The following NRXN3 variants were observed in gnomAD, a reference collection of about 807,000 sequenced individuals.
The protein encoded by NRXN3 is neurexin 3.
A neutral mutation model predicts 137.6 loss-of-function variants in NRXN3; 32 were observed. The ratio of observed to expected loss-of-function variants is 0.23; its 90% CI spans 0.18 to 0.31. NRXN3 has a LOEUF of 0.31. Among genes scored for constraint, NRXN3 ranks in the 10% least tolerant of loss-of-function variants. The pLI, the probability that NRXN3 is intolerant of heterozygous loss-of-function variation, is 1.00. For synonymous variants in NRXN3, 798 were observed against 784.5 expected (o/e 1.02, Z -0.29); for missense variants, 1,574 against 2,062.5 (o/e 0.76, Z 4.59).
intron 15 of NRXN3, among the ~76,000 whole-genome samples, chr14:79,345,040 A>G (rs1386141164): frequency 2.6e-5 from 4 of 152,196 alleles, no homozygotes; most frequent in African/African-American, 7.2e-5. Context: ...TTTCTAACAT[A>G]TGTCCTCTAT....
chr14:79,507,950 G>C (rs1208237641), intron 16 of NRXN3, among the ~76,000 whole-genome samples: 2 of 152,130 alleles, frequency 1.3e-5, no homozygotes, highest in Non-Finnish European at 2.9e-5. Flanking sequence ...TTCTACATCA[G>C]AGACTTCTGT....
At chr14:79,688,489 T>C (rs2098704005) in intron 17 of NRXN3, among the ~76,000 whole-genome samples, 1 of 152,176 alleles carries the variant, frequency 6.6e-6, no homozygotes. Context: ...AAGAGTTCTA[T>C]TTTTCAGTTT....
rs188309590 is a variant in NRXN3 at position 79,151,207 on chromosome 14, A to G, written c.3262+163066A>G. ...GATATTAAGCCTCTATTACTCCACAAGGGATACCATTTTGCCTTTGGTGGG... is the reference window on the plus strand; with the variant it reads ...GATATTAAGCCTCTATTACTCCACAGGGGATACCATTTTGCCTTTGGTGGG... On this transcript the variant is annotated intron_variant, in intron 15 of 20. Transcript: ENST00000335750. Among the ~76,000 whole-genome samples, 53 of 152,194 alleles carry G rather than the reference A, an allele frequency of 3.5e-4. 2 individuals are homozygous for G. Among genetic ancestry groups the G allele is most frequent in the Admixed American group, 3.5e-3 (53 of 15,264 alleles).
At chr14:78,403,313 T>C (rs1292897573) in intron 4 of NRXN3, among the ~76,000 whole-genome samples, 1 of 152,230 alleles carries the variant, frequency 6.6e-6, no homozygotes, top group Non-Finnish European at 1.5e-5. Flanking sequence ...AGCTTCAAAA[T>C]GTCCTCTTTA....
intron 20 of NRXN3, among the ~76,000 whole-genome samples, chr14:79,819,517 T>G (rs1476612943): frequency 1.2e-5 from 1 of 82,578 alleles, no homozygotes; most frequent in Non-Finnish European, 2.3e-5. Context: ...CGGAGTCTTT[T>G]TCTGTCACCC....
At chr14:79,296,851 C>T (rs1198253324) in intron 15 of NRXN3, among the ~76,000 whole-genome samples, 1 of 152,206 alleles carries the variant, frequency 6.6e-6, no homozygotes, top group Non-Finnish European at 1.5e-5. Flanking sequence ...TTCACTGTTT[C>T]CAGTGCCCTC....
At chr14:79,763,276 G>A (rs1057299640) in intron 19 of NRXN3, among the ~76,000 whole-genome samples, 3 of 151,648 alleles carry the variant, frequency 2.0e-5, no homozygotes. Context: ...ATCACTGATT[G>A]GCATTTGGAT....
intron 15 of NRXN3, among the ~76,000 whole-genome samples, chr14:79,463,798 G>A (rs942516498): frequency 6.6e-6 from 1 of 152,056 alleles, no homozygotes; most frequent in African/African-American, 2.4e-5. Context: ...AGAAGTACGA[G>A]GCTCAGGGGA....
chr14:78,793,635 G>A (rs905605564), intron 8 of NRXN3, among the ~76,000 whole-genome samples: 3 of 152,188 alleles, frequency 2.0e-5, no homozygotes, highest in Non-Finnish European at 1.5e-5. Flanking sequence ...ATGAAGTGTT[G>A]TCAACCAGGG....
intron 15 of NRXN3, among the ~76,000 whole-genome samples, chr14:79,007,837 A>G (rs956083104): frequency 6.6e-6 from 1 of 151,166 alleles, no homozygotes; most frequent in Non-Finnish European, 1.5e-5. Flanking sequence ...AAGCAGAAAA[A>G]TGTGTTGATT....
chr14:78,716,898 A>G (rs8015985), intron 8 of NRXN3, among the ~76,000 whole-genome samples: 148,701 of 152,296 alleles, frequency 0.98, 72,663 homozygotes, highest in Non-Finnish European at 0.99. Context: ...GAGCTATGAT[A>G]AGGAAATACT....
intron 4 of NRXN3, among the ~76,000 whole-genome samples, chr14:78,552,647 C>T (rs557492670): frequency 6.6e-6 from 1 of 151,934 alleles, no homozygotes. Flanking sequence ...GTATGGGCAA[C>T]AGGGAAAAAT....
intron 19 of NRXN3, among the ~76,000 whole-genome samples, chr14:79,703,841 T>C (rs1369577721): frequency 6.6e-6 from 1 of 152,052 alleles, no homozygotes. Flanking sequence ...TAAAGTGCAA[T>C]CATGTGTGAA....
At chr14:78,475,051 G>T (rs1305530633) in intron 4 of NRXN3, among the ~76,000 whole-genome samples, 1 of 152,168 alleles carries the variant, frequency 6.6e-6, no homozygotes, top group Non-Finnish European at 1.5e-5. Flanking sequence ...TAACTTAATT[G>T]CAAGGTATTG....
chr14:79,576,128 T>G (rs2097662805), intron 16 of NRXN3, among the ~76,000 whole-genome samples: 1 of 152,210 alleles, frequency 6.6e-6, no homozygotes, highest in African/African-American at 2.4e-5. Flanking sequence ...ATTATCCACT[T>G]ATTTGATCTA....
At chr14:78,180,948 C>T (rs906263471) in intron 1 of NRXN3, among the ~76,000 whole-genome samples, 2 of 152,156 alleles carry the variant, frequency 1.3e-5, no homozygotes, top group Non-Finnish European at 2.9e-5. Flanking sequence ...CATGCTGCAC[C>T]TCACACCAAC....
chr14:79,841,554 T>C (rs2141460933), intron 20 of NRXN3, among the ~76,000 whole-genome samples: 1 of 152,320 alleles, frequency 6.6e-6, no homozygotes, highest in East Asian at 1.9e-4. Context: ...ACTGCTCCTG[T>C]GTTCTACGTC....
intron 16 of NRXN3, chr14:79,632,243 C>G (rs1213297132): frequency 6.5e-6 from 1 of 152,938 alleles, no homozygotes; most frequent in Non-Finnish European, 1.5e-5. Context: ...GGAACAAACT[C>G]CAGATACACC....
At chr14:78,747,461 G>A (rs2098615300) in intron 8 of NRXN3, among the ~76,000 whole-genome samples, 1 of 152,180 alleles carries the variant, frequency 6.6e-6, no homozygotes, top group Non-Finnish European at 1.5e-5. Flanking sequence ...GAAGAGTGAG[G>A]AGTCAACAGA....
Sources: allele counts gnomAD v4.1 joint callset (sites outside exome capture counted in the v4.1 genomes callset), GRCh38; gene constraint gnomAD v4.1.1; transcripts MANE v1.5; gene names NCBI Gene and HGNC (gene_info 2026-07-23, HGNC 2026-07-21).